Variants in CSMD1 observed in about 807,000 individuals in gnomAD.
CSMD1 encodes CUB and Sushi multiple domains 1.
In CSMD1, 213 loss-of-function variants were observed where a neutral mutation model predicts 417.5. That is an observed-to-expected ratio of 0.51 (90% confidence interval 0.46 to 0.57). The LOEUF is 0.57. CSMD1 is among the 20% of genes least tolerant of loss of function. The pLI is 0.00. For synonymous variants in CSMD1, 2,862 were observed against 1,736.8 expected (o/e 1.65, Z -16.11); for missense variants, 6,923 against 4,529.7 (o/e 1.53, Z -15.17).
At chr8:4,259,258 C>G (rs546751669) in intron 3 of CSMD1, among the ~76,000 whole-genome samples, 12 of 152,136 alleles carry the variant, frequency 7.9e-5, no homozygotes, top group South Asian at 2.1e-4. Flanking sequence ...TTTTCCTAAA[C>G]AAGCAACCCC....
intron 3 of CSMD1, among the ~76,000 whole-genome samples, chr8:4,290,633 C>A (rs145103287): frequency 1.3e-5 from 2 of 152,194 alleles, no homozygotes; most frequent in East Asian, 1.9e-4. Context: ...AGGAAAGATT[C>A]CTTGTGAGAA....
chr8:4,793,750 A>T (rs887511079), intron 1 of CSMD1, among the ~76,000 whole-genome samples: 11 of 151,758 alleles, frequency 7.2e-5, no homozygotes, highest in African/African-American at 2.7e-4. Context: ...TGGGATGTGG[A>T]CATTCGTTTT....
intron 1 of CSMD1, among the ~76,000 whole-genome samples, chr8:4,967,040 G>C (rs1312170634): frequency 2.0e-5 from 3 of 152,128 alleles, no homozygotes; most frequent in African/African-American, 7.2e-5. Flanking sequence ...AGACATCGCA[G>C]TGTTCTCCAG....
chr8:3,875,358 C>T (rs79686471), intron 5 of CSMD1, among the ~76,000 whole-genome samples: 5,336 of 152,230 alleles, frequency 0.035, 279 homozygotes, highest in African/African-American at 0.12. Flanking sequence ...CTAAGAAGGA[C>T]AGTGAGTGAC....
intron 3 of CSMD1, among the ~76,000 whole-genome samples, chr8:4,140,128 G>A (rs1252147731): frequency 6.6e-6 from 1 of 150,870 alleles, no homozygotes; most frequent in Non-Finnish European, 1.5e-5. Context: ...GAAGGCGGGA[G>A]GATTCCTTGA....
At chr8:4,128,285 T>A (rs896180267) in intron 3 of CSMD1, among the ~76,000 whole-genome samples, 1 of 152,170 alleles carries the variant, frequency 6.6e-6, no homozygotes, top group Non-Finnish European at 1.5e-5. Context: ...AAGAATGATC[T>A]GAGAAGACTC....
intron 1 of CSMD1, among the ~76,000 whole-genome samples, chr8:4,936,382 A>T (rs1807620730): frequency 6.6e-6 from 1 of 152,226 alleles, no homozygotes; most frequent in Admixed American, 6.5e-5. Flanking sequence ...AGTGGGCAGC[A>T]GTATAATTTT....
rs532793430 is a variant in CSMD1 at position 4,266,961 on chromosome 8, A to C, written c.415+152992T>G. ...AAATATCTATTATTGAATAAAATTAACAATTTTGGAACTTAAGAAGATAAA... is the reference window on the plus strand; with the variant it reads ...AAATATCTATTATTGAATAAAATTACCAATTTTGGAACTTAAGAAGATAAA... On this transcript the variant is annotated intron_variant, in intron 3 of 69. Coordinates refer to ENST00000635120, the MANE Select transcript of CSMD1 (RefSeq NM_033225.6). 1.1e-4 allele frequency among the ~76,000 whole-genome samples: 12 copies of C among 104,928 alleles called. 1 individual carries two copies. Among genetic ancestry groups the C allele is most frequent in the African/African-American group, 3.1e-4 (12 of 38,728 alleles). The allele number at this position is 104,928 out of a possible 152,430, so 68.8% of individuals were successfully genotyped here. A position where few individuals can be genotyped will look rare whatever the true frequency, so the allele number is the denominator to read the frequency against.
chr8:2,962,778 G>A, intron 60 of CSMD1, 139 bp from the exon 61 acceptor site: 1 of 880,844 alleles, frequency 1.1e-6, no homozygotes, highest in Non-Finnish European at 1.7e-6. Context: ...GCCAGGCACG[G>A]TGGCTCACGC....
intron 7 of CSMD1, among the ~76,000 whole-genome samples, chr8:3,661,523 G>C (rs1484317565): frequency 2.0e-5 from 3 of 151,740 alleles, no homozygotes; most frequent in African/African-American, 7.2e-5. Flanking sequence ...TTGAGACTGA[G>C]TCCCACTTTA....
At chr8:3,531,033 G>A (rs1243860598) in intron 10 of CSMD1, among the ~76,000 whole-genome samples, 1 of 135,534 alleles carries the variant, frequency 7.4e-6, no homozygotes, top group Non-Finnish European at 1.6e-5. Context: ...TTTTTTTTTT[G>A]TATTTGTAGT....
At chr8:3,360,787 T>G (rs12549852) in intron 20 of CSMD1, among the ~76,000 whole-genome samples, 3,078 of 152,320 alleles carry the variant, frequency 0.02, 60 homozygotes, top group East Asian at 0.08. Flanking sequence ...TTAGGTTCAT[T>G]ATTTTCACTG....
At chr8:4,399,229 G>A (rs549135662) in intron 3 of CSMD1, among the ~76,000 whole-genome samples, 99 of 152,270 alleles carry the variant, frequency 6.5e-4, no homozygotes, top group African/African-American at 1.5e-3. Flanking sequence ...ATGACAAACC[G>A]TATTTCCCCT....
intron 1 of CSMD1, among the ~76,000 whole-genome samples, chr8:4,811,994 G>C (rs184313224): frequency 1.1e-3 from 175 of 152,242 alleles, no homozygotes; most frequent in Admixed American, 2.7e-3. Flanking sequence ...ACGAAAGACA[G>C]AAAGTAACAG....
chr8:3,866,011 G>C (rs975339278), intron 5 of CSMD1, among the ~76,000 whole-genome samples: 2 of 152,106 alleles, frequency 1.3e-5, no homozygotes, highest in Non-Finnish European at 2.9e-5. Context: ...ATGTTAGTGA[G>C]ATAAATCGCC....
At chr8:3,347,114 A>G (rs1000825102) in intron 22 of CSMD1, among the ~76,000 whole-genome samples, 2 of 152,214 alleles carry the variant, frequency 1.3e-5, no homozygotes, top group African/African-American at 4.8e-5. Flanking sequence ...TGTTTTAAAT[A>G]TGTTTACGAA....
chr8:3,755,174 T>C (rs183011730), intron 5 of CSMD1, among the ~76,000 whole-genome samples: 2 of 152,294 alleles, frequency 1.3e-5, no homozygotes, highest in Admixed American at 1.3e-4. Flanking sequence ...CATTTAGTTT[T>C]TCAGTGGCAT....
intron 5 of CSMD1, among the ~76,000 whole-genome samples, chr8:3,893,585 G>A (rs1349148924): frequency 2.6e-5 from 4 of 151,702 alleles, no homozygotes; most frequent in African/African-American, 9.7e-5. Flanking sequence ...CACCTGTCTA[G>A]CTCCAGTCCC....
intron 5 of CSMD1, among the ~76,000 whole-genome samples, chr8:3,989,237 G>T (rs1419225521): frequency 6.6e-6 from 1 of 152,110 alleles, no homozygotes; most frequent in Non-Finnish European, 1.5e-5. Context: ...CAGTGATCTG[G>T]GACTTCCAGA....
Sources: gnomAD v4.1 joint callset for allele counts (sites outside exome capture counted in the v4.1 genomes callset) on GRCh38, gnomAD v4.1.1 for gene constraint, MANE v1.5 for transcripts, NCBI Gene and HGNC (gene_info 2026-07-23, HGNC 2026-07-21) for gene names.